The following MAX variants were observed in gnomAD, a reference collection of about 807,000 sequenced individuals.
The protein encoded by MAX is protein max.
A neutral mutation model predicts 22.3 loss-of-function variants in MAX; 3 were observed. The observed-to-expected ratio is 0.13, with a 90% CI of 0.06 to 0.35. The LOEUF (loss-of-function observed/expected upper bound fraction) is 0.35. Among genes scored for constraint, MAX ranks in the 10% least tolerant of loss-of-function variants. The pLI, the probability that MAX is intolerant of heterozygous loss-of-function variation, is 1.00. For synonymous variants in MAX, 72 were observed against 77.7 expected (o/e 0.93, Z 0.39); for missense variants, 119 against 209.4 (o/e 0.57, Z 2.66).
chr14:65,051,543 G>A lies in MAX; in HGVS notation c.171+42165C>T, dbSNP rs544246507. Among the ~76,000 whole-genome samples the A allele has an allele frequency of 1.1e-4, 17 of 151,830 alleles. No homozygotes were observed. In the South Asian group the frequency reaches 1.9e-3, roughly 17 times the overall value. The stretch of plus-strand genomic sequence containing the variant: ...GGACAATCGCTTGAACCCGGGAGGC[G>A]GAGGTTGCAGTGAGCCGAGATCGTG... On this transcript the variant is annotated intron_variant, in intron 3 of 3. Transcript: ENST00000341653.
At chr14:65,010,254 A>G (rs2061662540) in intron 3 of MAX, among the ~76,000 whole-genome samples, 1 of 151,960 alleles carries the variant, frequency 6.6e-6, no homozygotes, top group South Asian at 2.1e-4. Flanking sequence ...GCTCCTCCAA[A>G]CCCTTAGAGA....
chr14:65,052,384 T>A (rs76516807), intron 3 of MAX, among the ~76,000 whole-genome samples: 2,042 of 152,284 alleles, frequency 0.013, 39 homozygotes, highest in South Asian at 0.068. Flanking sequence ...ATCTTTTTTT[T>A]AAAAATGATT....
intron 3 of MAX, among the ~76,000 whole-genome samples, chr14:65,063,144 G>T (rs1296799604): frequency 6.6e-6 from 1 of 152,188 alleles, no homozygotes; most frequent in Non-Finnish European, 1.5e-5. Flanking sequence ...GAGAGAAGAT[G>T]GTGTCCTTAG....
rs551650206 is a variant in MAX at position 65,102,266 on chromosome 14, G to A, written c.36+38C>T. 1.9e-6 allele frequency: 3 copies of A among 1,612,884 alleles called. No individual in the cohort carries two copies. The East Asian group carries it at 6.7e-5, about 36-fold the overall frequency. Reference sequence around the variant, plus strand: ...AGAGCCCCGGCCGCTGTCCCCGCCTGACAACCCGCACGGGAAGGAAGAAGC... The same window carrying A: ...AGAGCCCCGGCCGCTGTCCCCGCCTAACAACCCGCACGGGAAGGAAGAAGC... On this transcript the variant is annotated intron_variant, in intron 1 of 4. Transcript: ENST00000358664.
chr14:65,044,636 T>A lies in MAX; in HGVS notation c.172-38352A>T, dbSNP rs553722789. The A allele has an allele frequency of 2.4e-6, 2 of 834,054 alleles. No homozygotes were observed. Among genetic ancestry groups the A allele is most frequent in the Non-Finnish European group, 1.7e-6 (1 of 583,426 alleles). 51.7% of individuals were successfully genotyped at this position (834,054 alleles called of 1,614,324 possible). On this transcript the variant is annotated intron_variant, in intron 3 of 3. Coordinates refer to the MAX transcript ENST00000341653. The surrounding 1 kb of genome is among the most constrained non-coding windows in gnomAD (Gnocchi z 5.5). ...AAGATTTAGTTTCATTGGTTTAGTG[T>A]CATTCTTTGCTTCTTCAAATTGGCT...
rs1280523666 is a variant in MAX at position 65,011,046 on chromosome 14, G to GT, written c.172-4763dup. ...CCTCCCTTTTGAGCCTCAGTAGTAT[G>GT]TTTTTCCCTTGCAAAACCTACCCAT... On this transcript the variant is annotated intron_variant, in intron 3 of 3. Transcript: ENST00000341653. This position sits in a 1 kb window ranked among gnomAD's most constrained non-coding sequence, Gnocchi z 4.0. 6.6e-6 allele frequency among the ~76,000 whole-genome samples: 1 copy of GT among 152,114 alleles called. No homozygotes were observed. Among genetic ancestry groups the GT allele is most frequent in the African/African-American group, 2.4e-5 (1 of 41,432 alleles).
rs566072376 is a variant in MAX at position 65,097,498 on chromosome 14, C to G, written c.64-3683G>C. 1.6e-3 allele frequency among the ~76,000 whole-genome samples: 249 copies of G among 152,342 alleles called. 1 individual carries two copies. Among genetic ancestry groups the G allele is most frequent in the African/African-American group, 5.8e-3 (242 of 41,574 alleles). ...ATGCCATGTCTTACAGGCTACCTGACAGCTAACCCCACCTATAAGGGGAAC... is the reference window on the plus strand; with the variant it reads ...ATGCCATGTCTTACAGGCTACCTGAGAGCTAACCCCACCTATAAGGGGAAC... On this transcript the variant is annotated intron_variant, in intron 2 of 4. Transcript: ENST00000358664.
In MAX at chr14:65,014,138, T is replaced by C. The variant is rs946959678; in HGVS notation, c.172-7854A>G. Among the ~76,000 whole-genome samples the C allele has an allele frequency of 6.6e-6, 1 of 152,226 alleles. No individual in the cohort carries two copies. The highest frequency in any genetic ancestry group is 1.5e-5 in the Non-Finnish European group (1 of 68,036). On this transcript the variant is annotated intron_variant, in intron 3 of 3. Coordinates refer to the MAX transcript ENST00000341653. This position sits in a 1 kb window ranked among gnomAD's most constrained non-coding sequence, Gnocchi z 5.1. Reference sequence around the variant, plus strand: ...GGATTGACTCTAAAAACCTAGGTTCTTGTCTCACCTCTGACATTTGCTATT... The same window carrying C: ...GGATTGACTCTAAAAACCTAGGTTCCTGTCTCACCTCTGACATTTGCTATT...
chr14:65,080,284 G>C (rs143000834), intron 3 of MAX, among the ~76,000 whole-genome samples: 1 of 152,350 alleles, frequency 6.6e-6, no homozygotes, highest in African/African-American at 2.4e-5. Flanking sequence ...CTTTAGTTGA[G>C]TCAGTCAGCT....
Position 65,044,801 on chromosome 14 carries a change from C to T in MAX, c.172-38517G>A, listed in dbSNP as rs1036294633. On this transcript the variant is annotated intron_variant, in intron 3 of 3. Transcript: ENST00000341653. The surrounding 1 kb of genome is among the most constrained non-coding windows in gnomAD (Gnocchi z 5.5). ...CACCTCCTCTGGGTGCAGGGCAGAG[C>T]TGAAAACCCTCAGTGTTGCAACAGT... 4.6e-6 allele frequency: 1 copy of T among 217,516 alleles called. No homozygotes were observed. The highest frequency in any genetic ancestry group is 2.3e-5 in the African/African-American group (1 of 42,618). 13.5% of individuals were successfully genotyped at this position (217,516 alleles called of 1,614,324 possible).
chr14:65,064,825 A>T (rs1330728481), intron 3 of MAX, among the ~76,000 whole-genome samples: 1 of 152,248 alleles, frequency 6.6e-6, no homozygotes, highest in African/African-American at 2.4e-5. Context: ...GCAAATGGCC[A>T]TTGCTCTCAA....
chr14:65,017,306 G>A (rs2139531961), intron 3 of MAX, among the ~76,000 whole-genome samples: 1 of 152,210 alleles, frequency 6.6e-6, no homozygotes, highest in South Asian at 2.1e-4. Flanking sequence ...CAGGATATTT[G>A]GAAAGTTTTC....
At position 65,031,979 on chromosome 14, in the gene MAX, C is replaced by T. The variant is rs908706634; in HGVS notation, c.172-25695G>A. On this transcript the variant is annotated intron_variant, in intron 3 of 3. Coordinates refer to the MAX transcript ENST00000341653. The surrounding 1 kb of genome is among the most constrained non-coding windows in gnomAD (Gnocchi z 4.6). ...ATAGACGTGCGCCTTTTTCATTTAACGTGTGTGTGTGTGTGTGTGTGTGTG... is the reference window on the plus strand; with the variant it reads ...ATAGACGTGCGCCTTTTTCATTTAATGTGTGTGTGTGTGTGTGTGTGTGTG... Among the ~76,000 whole-genome samples the T allele has an allele frequency of 9.2e-5, 13 of 141,290 alleles. No homozygotes were observed. Among genetic ancestry groups the T allele is most frequent in the African/African-American group, 2.6e-4 (10 of 37,892 alleles). The allele number at this position is 141,290 out of a possible 152,430, so 92.7% of individuals were successfully genotyped here.
intron 3 of MAX, chr14:65,061,061 T>C: frequency 6.7e-7 from 1 of 1,489,306 alleles, no homozygotes; most frequent in Non-Finnish European, 9.0e-7. Context: ...CTTTGGGCTT[T>C]GTGTGTATCT....
At chr14:65,058,199 T>C (rs1262751533) in intron 3 of MAX, among the ~76,000 whole-genome samples, 2 of 148,134 alleles carry the variant, frequency 1.4e-5, no homozygotes, top group Non-Finnish European at 3.0e-5. Flanking sequence ...ACATAATTTT[T>C]CTTTTCTTTA....
At chr14:65,083,012 T>C (rs1220819833) in intron 3 of MAX, among the ~76,000 whole-genome samples, 2 of 152,274 alleles carry the variant, frequency 1.3e-5, no homozygotes, top group East Asian at 3.9e-4. Context: ...CTGGCTTCAT[T>C]ACCTCTTGGC....
intron 3 of MAX, among the ~76,000 whole-genome samples, chr14:65,045,102 TAGTG>T (rs1409438541): frequency 3.9e-5 from 6 of 152,130 alleles, no homozygotes; most frequent in Non-Finnish European, 7.4e-5. Flanking sequence ...CCGAAGTAGT[TAGTG>T]AGCAAAAAGT....
chr14:65,061,576 G>A (rs911328354), intron 3 of MAX: 10 of 386,370 alleles, frequency 2.6e-5, no homozygotes, highest in Admixed American at 1.1e-4. Context: ...ATGCCAGGAG[G>A]AAGCAGTCCC....
chr14:65,078,047 AT>A lies in MAX; in HGVS notation c.172-12del. 1 of 1,614,168 alleles carries A rather than the reference AT, an allele frequency of 6.2e-7. No homozygotes were observed. The highest frequency in any genetic ancestry group is 8.5e-7 in the Non-Finnish European group (1 of 1,180,022). On this transcript the variant is annotated splice_polypyrimidine_tract_variant and intron_variant, in intron 3 of 4. Transcript: ENST00000358664. The surrounding 1 kb of genome is among the most constrained non-coding windows in gnomAD (Gnocchi z 6.4). Reference sequence around the variant, plus strand: ...TTGGGCCCGGGATGCCTGTGGCAATATGAGAAAAAGCACAGGGGACAAAATA... The same window carrying A: ...TTGGGCCCGGGATGCCTGTGGCAATAGAGAAAAAGCACAGGGGACAAAATA...
Sources: gnomAD v4.1 joint callset for allele counts (sites outside exome capture counted in the v4.1 genomes callset) on GRCh38, gnomAD v4.1.1 for gene constraint, Gnocchi (gnomAD v3.1) non-coding constraint, MANE v1.5 for transcripts, NCBI Gene and HGNC (gene_info 2026-07-23, HGNC 2026-07-21) for gene names.